The following EMILIN2 variants were observed in gnomAD, a reference collection of about 807,000 sequenced individuals.
EMILIN2 encodes elastin microfibril interfacer 2, also known as EMILIN-2.
In EMILIN2, 71 loss-of-function variants were observed where a neutral mutation model predicts 87.1. The observed-to-expected ratio is 0.82, with a 90% CI of 0.67 to 0.99. The LOEUF is 0.99. Ranked by LOEUF, EMILIN2 falls within the 50% of genes least tolerant of loss-of-function variation. The probability of loss-of-function intolerance (pLI) is 0.00; values close to 1 mark genes in which losing one functional copy is unlikely to be tolerated. For missense variants in EMILIN2, 1,407 were observed against 1,371.8 expected, an observed-to-expected ratio of 1.03 and a Z score of -0.40; for synonymous variants, 581 against 563.4, an observed-to-expected ratio of 1.03 and a Z score of -0.44.
At chr18:2,852,889 T>C (rs1410486331) in intron 2 of EMILIN2, among the ~76,000 whole-genome samples, 1 of 152,208 alleles carries the variant, frequency 6.6e-6, no homozygotes, top group Non-Finnish European at 1.5e-5. Context: ...ATGTCTTCTC[T>C]CTCTGTGTCT....
chr18:2,853,540 T>C (rs1471593829), intron 2 of EMILIN2, among the ~76,000 whole-genome samples: 1 of 152,190 alleles, frequency 6.6e-6, no homozygotes, highest in Non-Finnish European at 1.5e-5. Flanking sequence ...AATATTTCCT[T>C]AAAGTGCATC....
chr18:2,882,377 G>GGGT (rs58480120), intron 2 of EMILIN2, among the ~76,000 whole-genome samples: 2,160 of 152,302 alleles, frequency 0.014, 61 homozygotes, highest in African/African-American at 0.048. Context: ...AAACCTCTGA[G>GGGT]GGTGAGACCC....
intron 3 of EMILIN2, among the ~76,000 whole-genome samples, chr18:2,885,947 T>G (rs1212253137): frequency 6.6e-6 from 1 of 152,232 alleles, no homozygotes; most frequent in Non-Finnish European, 1.5e-5. Context: ...TTCCCAACAT[T>G]GTCTGTAAAA....
Position 2,848,009 on chromosome 18 carries a change from GC to G in EMILIN2, c.257+79del. On this transcript the variant is annotated intron_variant, in intron 2 of 7. Coordinates refer to ENST00000254528, the MANE Select transcript of EMILIN2 (RefSeq NM_032048.3). The surrounding 1 kb of genome is among the most constrained non-coding windows in gnomAD (Gnocchi z 4.1). Reference sequence around the variant, plus strand: ...GGGTGGGGTGGGGTTGCTGCGCTGGGCTCCAGTCCCTCCGGTAAATCCCTTC... The same window carrying G: ...GGGTGGGGTGGGGTTGCTGCGCTGGGTCCAGTCCCTCCGGTAAATCCCTTC... 6.9e-7 allele frequency: 1 copy of G among 1,439,692 alleles called. No homozygotes were observed. Among genetic ancestry groups the G allele is most frequent in the Non-Finnish European group, 9.2e-7 (1 of 1,086,136 alleles). The allele number at this position is 1,439,692 out of a possible 1,614,324, so 89.2% of individuals were successfully genotyped here.
rs1466190621 is a variant in EMILIN2 at position 2,908,991 on chromosome 18, G to C, written c.2695+16G>C. ...GCTTCCCCAGGTATGTCTGCTGAGA[G>C]ACCAGGAGCAGGAGGAGCGGTCTCC... is the stretch of plus-strand genomic sequence containing the variant. On this transcript the variant is annotated intron_variant, in intron 6 of 7. Transcript: ENST00000254528. The C allele has an allele frequency of 1.9e-6, 3 of 1,613,182 alleles. No individual in the cohort carries two copies. Among genetic ancestry groups the C allele is most frequent in the South Asian group, 1.1e-5 (1 of 91,040 alleles).
chr18:2,913,901 C>T lies in EMILIN2; in HGVS notation c.*497C>T, dbSNP rs189039864. 40 of 156,716 alleles carry T rather than the reference C, an allele frequency of 2.6e-4. No homozygotes were observed. Among genetic ancestry groups the T allele is most frequent in the Admixed American group, 5.5e-4 (9 of 16,316 alleles). 9.7% of individuals were successfully genotyped at this position (156,716 alleles called of 1,614,324 possible). ...CCCGACTTTAGTTTGGGCTGTTCCA[C>T]GCTTGGCTCACCATTGCCGCCTGGG... On this transcript the variant is annotated 3_prime_UTR_variant, in exon 8 of 8. Coordinates refer to ENST00000254528, the MANE Select transcript of EMILIN2 (RefSeq NM_032048.3).
At chr18:2,909,083 C>A in intron 6 of EMILIN2, 108 bp downstream of exon 6, 1 of 1,409,000 alleles carries the variant, frequency 7.1e-7, no homozygotes, top group Non-Finnish European at 1.0e-6. Flanking sequence ...ACAAATCAAG[C>A]CTGGGCCCAG....
At chr18:2,900,397 A>G (rs1283527972) in intron 4 of EMILIN2, among the ~76,000 whole-genome samples, 1 of 152,194 alleles carries the variant, frequency 6.6e-6, no homozygotes, top group Non-Finnish European at 1.5e-5. Flanking sequence ...CTATGTTGAA[A>G]GGCTGGTCTT....
Position 2,907,095 on chromosome 18 carries a change from G to T in EMILIN2, c.2662+10G>T. 1 of 1,235,582 alleles carries T rather than the reference G, an allele frequency of 8.1e-7. No individual in the cohort carries two copies. Among genetic ancestry groups the T allele is most frequent in the South Asian group, 3.8e-5 (1 of 26,188 alleles). The allele number at this position is 1,235,582 out of a possible 1,614,324, so 76.5% of individuals were successfully genotyped here. A position where few individuals can be genotyped will look rare whatever the true frequency, so the allele number is the denominator to read the frequency against. The stretch of plus-strand genomic sequence containing the variant: ...TTCGCGGGCGCACCAGGTGAGGCCC[G>T]GGGCTGCGCGGGGAGGAGCGCGGGG... On this transcript the variant is annotated intron_variant, in intron 5 of 7. Transcript: ENST00000254528.
intron 2 of EMILIN2, among the ~76,000 whole-genome samples, chr18:2,851,229 A>G (rs1015448562): frequency 7.2e-5 from 11 of 151,804 alleles, no homozygotes; most frequent in Admixed American, 2.0e-4. Context: ...CTTGAGCCCA[A>G]GAGTTTGAAA....
rs1598498827 is a variant in EMILIN2, at chr18:2,890,450, C to T, written c.434-111C>T. 3 of 1,293,446 alleles carry T rather than the reference C, an allele frequency of 2.3e-6. No individual in the cohort carries two copies. The East Asian group carries it at 7.1e-5, about 30-fold the overall frequency. 80.1% of individuals were successfully genotyped at this position (1,293,446 alleles called of 1,614,324 possible). A position where few individuals can be genotyped will look rare whatever the true frequency, so the allele number is the denominator to read the frequency against. ...GTACTTACCTACAATTGTGTAGTGA[C>T]CTGTAAGTGAAGATGTACATGTATT... On this transcript the variant is annotated intron_variant, in intron 3 of 7. Transcript: ENST00000254528. The surrounding 1 kb of genome is among the most constrained non-coding windows in gnomAD (Gnocchi z 4.7).
intron 2 of EMILIN2, among the ~76,000 whole-genome samples, chr18:2,851,848 A>C (rs1326916251): frequency 6.6e-6 from 1 of 152,088 alleles, no homozygotes; most frequent in Non-Finnish European, 1.5e-5. Flanking sequence ...TCCATACATT[A>C]GTTTATTTAG....
chr18:2,852,984 C>T (rs925411188), intron 2 of EMILIN2, among the ~76,000 whole-genome samples: 2 of 152,134 alleles, frequency 1.3e-5, no homozygotes, highest in Non-Finnish European at 2.9e-5. Context: ...GATTTGTCTT[C>T]CCTCTGTAAA....
intron 5 of EMILIN2, among the ~76,000 whole-genome samples, chr18:2,907,506 G>T (rs1012404291): frequency 3.3e-5 from 5 of 152,246 alleles, no homozygotes; most frequent in Non-Finnish European, 5.9e-5. Context: ...AGCTCTCTGA[G>T]CTGCAGTTCC....
chr18:2,892,469 A>G lies in EMILIN2; in HGVS notation c.2342A>G (p.Lys781Arg), dbSNP rs745997700. 6 of 1,593,632 alleles carry G rather than the reference A, an allele frequency of 3.8e-6. No individual in the cohort carries two copies. The highest frequency in any genetic ancestry group is 5.1e-6 in the Non-Finnish European group (6 of 1,165,764). ...TCTACTGATTTGCAAGATCTGGTCA[A>G]ATTTCAGCCATCAGCAAGTAAGTTG... The part of the protein sequence containing the change: ...QISTDLQDLV[K>R]FQPSAKAPSP... Residue 781 changes from lysine to arginine, a missense_variant, in exon 4 of 8, where the codon AAA becomes AGA. By Grantham distance (26) the Lys-to-Arg change is conservative. Coordinates refer to ENST00000254528, the MANE Select transcript of EMILIN2 (RefSeq NM_032048.3).
At chr18:2,879,619 C>T (rs1380792812) in intron 2 of EMILIN2, among the ~76,000 whole-genome samples, 3 of 151,986 alleles carry the variant, frequency 2.0e-5, no homozygotes, top group Non-Finnish European at 4.4e-5. Context: ...CAAGATCGCA[C>T]CACTGCACTC....
chr18:2,848,040 T>A lies in EMILIN2; in HGVS notation c.257+109T>A. On this transcript the variant is annotated intron_variant, in intron 2 of 7. Transcript: ENST00000254528. The surrounding 1 kb of genome is among the most constrained non-coding windows in gnomAD (Gnocchi z 4.1). ...GTCCCTCCGGTAAATCCCTTCCAGA[T>A]CCGGTGAAAAGCCCGCAGCGGAAAA... The A allele has an allele frequency of 7.5e-7, 1 of 1,332,692 alleles. No homozygotes were observed. The highest frequency in any genetic ancestry group is 9.9e-7 in the Non-Finnish European group (1 of 1,009,324). The allele number at this position is 1,332,692 out of a possible 1,614,324, so 82.6% of individuals were successfully genotyped here.
intron 2 of EMILIN2, among the ~76,000 whole-genome samples, chr18:2,862,681 C>CT (rs1254757767): frequency 8.7e-4 from 133 of 152,072 alleles, no homozygotes; most frequent in Non-Finnish European, 1.1e-3. Context: ...CTAAAATTCT[C>CT]TTTTTTTTGT....
At chr18:2,874,981 G>T (rs750909598) in intron 2 of EMILIN2, among the ~76,000 whole-genome samples, 1 of 152,216 alleles carries the variant, frequency 6.6e-6, no homozygotes, top group African/African-American at 2.4e-5. Flanking sequence ...TTCTCTTGAT[G>T]TACAGGATCT....
Sources: allele counts gnomAD v4.1 joint callset (sites outside exome capture counted in the v4.1 genomes callset), GRCh38; gene constraint gnomAD v4.1.1; non-coding constraint Gnocchi (gnomAD v3.1); transcripts MANE v1.5; gene names NCBI Gene and HGNC (gene_info 2026-07-23, HGNC 2026-07-21).